ALDH1A2: variants seen among roughly 807,000 people sequenced by gnomAD.
ALDH1A2 encodes aldehyde dehydrogenase 1 family member A2, also known as retinal dehydrogenase 2.
ALDH1A2 carries 27 observed loss-of-function variants against 60.3 expected under a neutral mutation model. The observed-to-expected ratio is 0.45, with a 90% CI of 0.33 to 0.62. The LOEUF is 0.62. Among genes scored for constraint, ALDH1A2 ranks in the 20% least tolerant of loss-of-function variants. ALDH1A2 has a pLI of 0.02. For missense variants in ALDH1A2, 581 were observed against 643.8 expected, an observed-to-expected ratio of 0.90 and a Z score of 1.06; for synonymous variants, 289 against 232.4, an observed-to-expected ratio of 1.24 and a Z score of -2.21.
intron 7 of ALDH1A2, among the ~76,000 whole-genome samples, chr15:57,969,455 A>G (rs1414394160): frequency 1.1e-4 from 17 of 152,228 alleles, no homozygotes; most frequent in Admixed American, 1.0e-3. Context: ...CGAATTACGC[A>G]TACAACAAAG....
At chr15:57,973,005 C>T (rs1380656954) in intron 7 of ALDH1A2, among the ~76,000 whole-genome samples, 1 of 152,104 alleles carries the variant, frequency 6.6e-6, no homozygotes, top group Non-Finnish European at 1.5e-5. Flanking sequence ...AATAAAAGAA[C>T]CCCAGCTGCG....
At chr15:57,966,870 G>A (rs1436220809) in intron 7 of ALDH1A2, among the ~76,000 whole-genome samples, 1 of 152,154 alleles carries the variant, frequency 6.6e-6, no homozygotes, top group Non-Finnish European at 1.5e-5. Flanking sequence ...AATGCTCCCT[G>A]GGAACCTAAC....
Position 58,049,290 on chromosome 15 carries a change from C to T in ALDH1A2, c.117+16244G>A, listed in dbSNP as rs1033817654. On this transcript the variant is annotated intron_variant, in intron 1 of 12. Transcript: ENST00000249750. ...GATTTCTTTATGGGTCATATTCCTA[C>T]GTGTACAAAGATTGCTAGATGGTGT... 2.6e-5 allele frequency among the ~76,000 whole-genome samples: 4 copies of T among 152,010 alleles called. No homozygotes were observed. In the South Asian group the frequency reaches 8.3e-4, roughly 32 times the overall value.
intron 1 of ALDH1A2, among the ~76,000 whole-genome samples, chr15:58,028,837 C>T (rs1896151334): frequency 2.0e-5 from 3 of 152,150 alleles, no homozygotes; most frequent in African/African-American, 7.2e-5. Context: ...ATCAATTCAA[C>T]AAGAAGAGCT....
At chr15:57,978,570 TACAG>T (rs1410166724) in intron 7 of ALDH1A2, among the ~76,000 whole-genome samples, 10 of 152,320 alleles carry the variant, frequency 6.6e-5, no homozygotes, top group African/African-American at 1.2e-4. Context: ...TTTTTTTCCT[TACAG>T]ACAGAGGTTT....
chr15:58,010,853 AAAAAGGAAGAGAGAGAATAC>A, intron 3 of ALDH1A2, 75 bp from the exon 4 acceptor site: 2 of 1,569,742 alleles, frequency 1.3e-6, no homozygotes, highest in South Asian at 2.2e-5. Context: ...GAGCAGAAGA[AAAAAGGAAGAGAGAGAATAC>A]AAATGCATAT....
chr15:58,059,647 G>T (rs1896972870), intron 1 of ALDH1A2, among the ~76,000 whole-genome samples: 1 of 152,060 alleles, frequency 6.6e-6, no homozygotes, highest in Non-Finnish European at 1.5e-5. Flanking sequence ...GCATATTGAA[G>T]CATATTCATG....
chr15:58,017,282 A>G (rs1895814765), intron 1 of ALDH1A2, among the ~76,000 whole-genome samples: 1 of 152,168 alleles, frequency 6.6e-6, no homozygotes. Context: ...CTTTTATAGT[A>G]TTTGTTGATA....
intron 10 of ALDH1A2, 66 bp downstream of exon 10, chr15:57,961,946 A>T: frequency 6.3e-7 from 1 of 1,585,466 alleles, no homozygotes; most frequent in South Asian, 1.1e-5. Context: ...AATATCATCC[A>T]CTAGAAATGC....
intron 4 of ALDH1A2, among the ~76,000 whole-genome samples, chr15:58,005,849 T>C (rs765241782): frequency 2.6e-5 from 4 of 151,876 alleles, no homozygotes; most frequent in Non-Finnish European, 5.9e-5. Flanking sequence ...TTCCAGAACA[T>C]TTAAGCTTCA....
In ALDH1A2 at chr15:58,019,238, A is replaced by G. The variant is rs1399726701; in HGVS notation, c.118-4957T>C. On this transcript the variant is annotated intron_variant, in intron 1 of 12. Transcript: ENST00000249750. ...TGCCCCAAACAAATTTGTTAAACGA[A>G]GAAACGAGGATTCAACATCTTCACA... 2.0e-5 allele frequency among the ~76,000 whole-genome samples: 3 copies of G among 151,702 alleles called. No individual in the cohort carries two copies. In the East Asian group the frequency reaches 5.8e-4, roughly 29 times the overall value.
chr15:58,039,499 C>T (rs1158754878), intron 1 of ALDH1A2, among the ~76,000 whole-genome samples: 4 of 151,734 alleles, frequency 2.6e-5, no homozygotes, highest in South Asian at 4.1e-4. Flanking sequence ...TTACTATCCC[C>T]CTGGAATCGA....
rs1893479184 is a variant in ALDH1A2 at position 57,955,231 on chromosome 15, G to A, written c.1523C>T (p.Thr508Met). 4.3e-6 allele frequency: 7 copies of A among 1,613,996 alleles called. No individual in the cohort carries two copies. Among genetic ancestry groups the A allele is most frequent in the Non-Finnish European group, 5.9e-6 (7 of 1,180,008 alleles). Residue 508 changes from threonine (T) to methionine (M), a missense_variant, in exon 13 of 13, where the codon ACG becomes ATG. By Grantham distance (81) the Thr-to-Met change is moderately conservative (BLOSUM62 -1). Around this residue, in one of 2 missense-constraint regions of ALDH1A2, gnomAD observed 375 missense variants for 469.7 expected, o/e 0.80. Transcript: ENST00000249750. ...CTTCTGGGGGATCTTTACTGTCACC[G>A]TCTTAACTTCTGAGTACTCCCGCAA... is the stretch of plus-strand genomic sequence containing the variant. ...FGLREYSEVK[T>M]VTVKIPQKNS
chr15:57,989,183 G>T (rs1469474152), intron 7 of ALDH1A2, among the ~76,000 whole-genome samples: 1 of 152,012 alleles, frequency 6.6e-6, no homozygotes, highest in Non-Finnish European at 1.5e-5. Context: ...GAAATATCTT[G>T]GAAGAAAACA....
Position 57,995,104 on chromosome 15 carries a change from T to C in ALDH1A2, c.529A>G (p.Ile177Val), listed in dbSNP as rs1243742183. 5 of 1,611,116 alleles carry C rather than the reference T, an allele frequency of 3.1e-6. No homozygotes were observed. Among genetic ancestry groups the C allele is most frequent in the African/African-American group, 1.3e-5 (1 of 74,126 alleles). Residue 177 changes from isoleucine (I) to valine (V), a missense_variant, in exon 5 of 13, where the codon ATT becomes GTT. By Grantham distance (29) the Ile-to-Val change is conservative. Around this residue, in one of 2 missense-constraint regions of ALDH1A2, gnomAD observed 375 missense variants for 469.7 expected, o/e 0.80. Transcript: ENST00000249750. ...DYFTFTRHEP[I>V]GVCGQIIPWN... is the part of the protein sequence containing the mutation. ...GGGATGATCTGTCCACACACTCCAA[T>C]GGGTTCATGTCTTGTAAAGGTAAAA...
intron 4 of ALDH1A2, among the ~76,000 whole-genome samples, chr15:58,007,482 A>T (rs1895497727): frequency 6.6e-6 from 1 of 152,014 alleles, no homozygotes; most frequent in Non-Finnish European, 1.5e-5. Context: ...TTAAGTTTGA[A>T]TCTCACGTCT....
At chr15:58,017,579 T>C (rs1380619803) in intron 1 of ALDH1A2, among the ~76,000 whole-genome samples, 2 of 152,156 alleles carry the variant, frequency 1.3e-5, no homozygotes, top group Non-Finnish European at 2.9e-5. Context: ...TATAACCTAC[T>C]AGAGATCTGT....
chr15:57,961,918 AT>A, intron 10 of ALDH1A2, 93 bp downstream of exon 10: 1 of 1,503,614 alleles, frequency 6.7e-7, no homozygotes, highest in Admixed American at 1.7e-5. Flanking sequence ...TATGTAAAAT[AT>A]AAAGAGCTAA....
At chr15:57,990,890 A>AT (rs1894875172) in intron 7 of ALDH1A2, among the ~76,000 whole-genome samples, 1 of 151,678 alleles carries the variant, frequency 6.6e-6, no homozygotes, top group South Asian at 2.1e-4. Context: ...AAAAAAAAAA[A>AT]AAAATTACAC....
Sources: allele counts gnomAD v4.1 joint callset (sites outside exome capture counted in the v4.1 genomes callset), GRCh38; gene constraint gnomAD v4.1.1; regional missense constraint gnomAD v4.1.1; transcripts MANE v1.5; gene names NCBI Gene and HGNC (gene_info 2026-07-23, HGNC 2026-07-21).